Variants in ZNF248 observed in about 807,000 individuals in gnomAD.
ZNF248 encodes the protein KRAB protein domain.
ZNF248 carries 20 observed loss-of-function variants against 44.3 expected under a neutral mutation model. That is an observed-to-expected ratio of 0.45 (90% confidence interval 0.32 to 0.66). The LOEUF is 0.66. ZNF248 is among the 30% of genes least tolerant of loss of function. The probability of loss-of-function intolerance (pLI) is 0.04; values close to 1 mark genes in which losing one functional copy is unlikely to be tolerated. For missense variants in ZNF248, 654 were observed against 677.0 expected, an observed-to-expected ratio of 0.97 and a Z score of 0.38; for synonymous variants, 224 against 229.0, an observed-to-expected ratio of 0.98 and a Z score of 0.20.
chr10:37,819,946 A>G (rs749923494), intron 6 of ZNF248: 6 of 769,928 alleles, frequency 7.8e-6, no homozygotes, highest in Non-Finnish European at 1.5e-5. Flanking sequence ...CCCATGTCGG[A>G]CAGTAGTAAA....
the ZNF248 span, among the ~76,000 whole-genome samples, chr10:37,759,068 C>T: frequency 6.6e-6 from 1 of 152,206 alleles, no homozygotes; most frequent in Admixed American, 6.5e-5. Context: ...TTGGAAGCCA[C>T]TTGTGCAGGT....
chr10:37,768,532 A>G, the ZNF248 span, among the ~76,000 whole-genome samples: 1 of 152,356 alleles, frequency 6.6e-6, no homozygotes, highest in Admixed American at 6.5e-5. Context: ...CTGGGTACAT[A>G]ACGAGATGAA....
intron 6 of ZNF248, among the ~76,000 whole-genome samples, chr10:37,788,491 T>C (rs1214272650): frequency 2.0e-5 from 3 of 150,494 alleles, no homozygotes; most frequent in African/African-American, 7.3e-5. Flanking sequence ...CTTGGTGGCA[T>C]GTGCCTGTAA....
chr10:37,766,353 C>A, the ZNF248 span, among the ~76,000 whole-genome samples: 1 of 152,224 alleles, frequency 6.6e-6, no homozygotes, highest in African/African-American at 2.4e-5. Context: ...CTGGGAGGCA[C>A]CCTCTAGTAG....
At chr10:37,806,252 T>G (rs979360924) in intron 6 of ZNF248, among the ~76,000 whole-genome samples, 1 of 152,224 alleles carries the variant, frequency 6.6e-6, no homozygotes, top group Non-Finnish European at 1.5e-5. Context: ...CATATAGTAA[T>G]TCTAATTTTA....
rs568974030 is a variant in ZNF248, at chr10:37,777,691, C to A, written c.331-1116G>T. On this transcript the variant is annotated intron_variant, in intron 6 of 6. Transcript: ENST00000615949. ...CCAATGCTATCCCTCCCCCCTCCCCCCACCCCACAACAGTCCCCAGAGTGT... is the reference window on the plus strand; with the variant it reads ...CCAATGCTATCCCTCCCCCCTCCCCACACCCCACAACAGTCCCCAGAGTGT... Among the ~76,000 whole-genome samples the A allele has an allele frequency of 7.2e-5, 9 of 125,366 alleles. 1 individual carries two copies. The highest frequency in any genetic ancestry group is 9.2e-3 in the Middle Eastern group (2 of 218). The allele number at this position is 125,366 out of a possible 152,430, so 82.2% of individuals were successfully genotyped here. A position where few individuals can be genotyped will look rare whatever the true frequency, so the allele number is the denominator to read the frequency against.
chr10:37,770,048 T>C, the ZNF248 span, among the ~76,000 whole-genome samples: 1 of 152,278 alleles, frequency 6.6e-6, no homozygotes, highest in African/African-American at 2.4e-5. Flanking sequence ...TTAAAATACC[T>C]AGAAATCCAA....
At chr10:37,762,741 A>C in the ZNF248 span, among the ~76,000 whole-genome samples, 1 of 152,344 alleles carries the variant, frequency 6.6e-6, no homozygotes, top group Middle Eastern at 3.4e-3. Context: ...CCTGGGTTAC[A>C]TACAAGTGAA....
chr10:37,819,428 TTTTTA>T (rs1192054340), intron 6 of ZNF248: 2 of 1,570,400 alleles, frequency 1.3e-6, no homozygotes, highest in African/African-American at 1.4e-5. Context: ...ATCTCTCCAG[TTTTTA>T]TTTAACTGGT....
At chr10:37,822,300 A>T (rs1480644203) in intron 6 of ZNF248, among the ~76,000 whole-genome samples, 2 of 152,256 alleles carry the variant, frequency 1.3e-5, no homozygotes, top group Non-Finnish European at 2.9e-5. Flanking sequence ...CACAGAAAAA[A>T]ACATTTAAAT....
In ZNF248 at chr10:37,806,786, T is replaced by G. The variant is rs1409623599; in HGVS notation, c.330+26239A>C. On this transcript the variant is annotated intron_variant, in intron 6 of 6. Transcript: ENST00000615949. ...TGTCTATTTTTTCTTTTGTGGCTTG[T>G]GCTTTTGGTGTCATATCCAAGAAAT... Among the ~76,000 whole-genome samples, 3 of 152,178 alleles carry G rather than the reference T, an allele frequency of 2.0e-5. 1 individual carries two copies. Among genetic ancestry groups the G allele is most frequent in the Non-Finnish European group, 4.4e-5 (3 of 68,038 alleles).
intron 6 of ZNF248, among the ~76,000 whole-genome samples, chr10:37,798,579 T>C (rs913387564): frequency 3.9e-5 from 6 of 152,120 alleles, no homozygotes; most frequent in African/African-American, 9.7e-5. Context: ...TGTAGAAATA[T>C]ATACACAGAT....
intron 6 of ZNF248, among the ~76,000 whole-genome samples, chr10:37,794,074 C>T (rs987934937): frequency 1.3e-5 from 2 of 152,036 alleles, no homozygotes; most frequent in Non-Finnish European, 2.9e-5. Flanking sequence ...TTGATGTTCA[C>T]GGCTGCATTT....
chr10:37,837,686 T>G lies in ZNF248; in HGVS notation c.169A>C (p.Ile57Leu). 6.2e-7 allele frequency: 1 copy of G among 1,614,096 alleles called. No individual in the cohort carries two copies. The highest frequency in any genetic ancestry group is 8.5e-7 in the Non-Finnish European group (1 of 1,180,000). The change falls in exon 5 of 6, where the codon ATC becomes CTC. Residue 57 changes from isoleucine to leucine, a missense_variant. By Grantham distance (5) the Ile-to-Leu change is conservative (BLOSUM62 2). Transcript: ENST00000395867. ...VGYCITKPEV[I>L]FKIEQGEEPW... is the part of the protein sequence containing the mutation. ...TCTTCTCCTTGCTCGATCTTAAAGATCACTTCTGGTTTAGTAATGCAATAC... is the reference window on the plus strand; with the variant it reads ...TCTTCTCCTTGCTCGATCTTAAAGAGCACTTCTGGTTTAGTAATGCAATAC...
Position 37,837,627 on chromosome 10 carries a change from C to A in ZNF248, c.228G>T (p.Gln76His). 1 of 1,613,972 alleles carries A rather than the reference C, an allele frequency of 6.2e-7. No individual in the cohort carries two copies. Among genetic ancestry groups the A allele is most frequent in the Non-Finnish European group, 8.5e-7 (1 of 1,179,924 alleles). The change falls in exon 5 of 6, where the codon CAG becomes CAT. Residue 76 changes from glutamine to histidine, a missense_variant. Gln to His is a conservative substitution (Grantham distance 24, BLOSUM62 0). Transcript: ENST00000395867. Reference protein sequence around the residue: ...PWILEKGFPSQCHPERKWKVD... With the variant: ...PWILEKGFPSHCHPERKWKVD... ...AAATCACTAACTCACCTGGGTGGCA[C>A]TGGCTTGGGAATCCTTTTTCTAATA...
intron 6 of ZNF248, among the ~76,000 whole-genome samples, chr10:37,822,881 C>T (rs2053704998): frequency 6.6e-6 from 1 of 152,076 alleles, no homozygotes; most frequent in African/African-American, 2.4e-5. Flanking sequence ...CAAGCCTGAT[C>T]AAGATGTTTA....
At chr10:37,825,473 C>CT (rs1374107544), downstream of ZNF248, among the ~76,000 whole-genome samples, 1 of 152,154 alleles carries the variant, frequency 6.6e-6, no homozygotes, top group Non-Finnish European at 1.5e-5. Context: ...GGCACTTACT[C>CT]TGTCACCTAG....
At chr10:37,770,521 G>A in the ZNF248 span, among the ~76,000 whole-genome samples, 7 of 152,158 alleles carry the variant, frequency 4.6e-5, no homozygotes, top group East Asian at 9.6e-4. Flanking sequence ...AGCAATGGGG[G>A]AAGGATTCCC....
chr10:37,774,146 A>G (rs2046401263), downstream of ZNF248, among the ~76,000 whole-genome samples: 1 of 152,134 alleles, frequency 6.6e-6, no homozygotes, highest in African/African-American at 2.4e-5. Flanking sequence ...GACAGCCACC[A>G]GAAGAAATGG....
Sources: gnomAD v4.1 joint callset for allele counts (sites outside exome capture counted in the v4.1 genomes callset) on GRCh38, gnomAD v4.1.1 for gene constraint, MANE v1.5 for transcripts, NCBI Gene and HGNC (gene_info 2026-07-23, HGNC 2026-07-21) for gene names.